Variants in FRMD5 observed in about 807,000 individuals in gnomAD.
The protein encoded by FRMD5 is FERM domain-containing protein 5.
FRMD5 carries 20 observed loss-of-function variants against 69.0 expected under a neutral mutation model. The observed-to-expected ratio is 0.29, with a 90% CI of 0.20 to 0.42. FRMD5 has a LOEUF of 0.42. Among genes scored for constraint, FRMD5 ranks in the 10% least tolerant of loss-of-function variants. The pLI is 1.00. For synonymous variants in FRMD5, 271 were observed against 260.1 expected (o/e 1.04, Z -0.40); for missense variants, 595 against 708.6 (o/e 0.84, Z 1.82).
intron 1 of FRMD5, among the ~76,000 whole-genome samples, chr15:44,093,263 A>C (rs2140492104): frequency 6.6e-6 from 1 of 152,198 alleles, no homozygotes; most frequent in Non-Finnish European, 1.5e-5. Flanking sequence ...AAAAATTAGC[A>C]CAGAAACTTG....
At chr15:44,022,051 G>C (rs989489375) in intron 1 of FRMD5, among the ~76,000 whole-genome samples, 4 of 151,916 alleles carry the variant, frequency 2.6e-5, no homozygotes, top group African/African-American at 9.7e-5. Context: ...GAAAAATAAT[G>C]AATAATATCT....
intron 1 of FRMD5, among the ~76,000 whole-genome samples, chr15:44,001,093 C>G (rs1890190929): frequency 6.6e-6 from 1 of 152,184 alleles, no homozygotes; most frequent in Non-Finnish European, 1.5e-5. Flanking sequence ...CTTATAATAG[C>G]CATTCTAACG....
chr15:44,057,861 C>T (rs566926880), intron 1 of FRMD5, among the ~76,000 whole-genome samples: 7 of 152,270 alleles, frequency 4.6e-5, no homozygotes, highest in South Asian at 2.1e-4. Flanking sequence ...CCAGTTCCAG[C>T]GCTTTATGAT....
At chr15:43,914,598 C>G (rs1264272284) in intron 4 of FRMD5, among the ~76,000 whole-genome samples, 2 of 151,978 alleles carry the variant, frequency 1.3e-5, no homozygotes, top group Non-Finnish European at 2.9e-5. Context: ...ATGGAGCTTA[C>G]ATTCCAATGG....
intron 13 of FRMD5, among the ~76,000 whole-genome samples, chr15:43,875,360 A>AT (rs1567202033): frequency 1.3e-4 from 14 of 107,274 alleles, no homozygotes; most frequent in African/African-American, 3.8e-4. Context: ...AAAAAAAAAA[A>AT]AAAATATATA....
chr15:43,893,192 G>C (rs1001213267), intron 7 of FRMD5, among the ~76,000 whole-genome samples: 1 of 152,038 alleles, frequency 6.6e-6, no homozygotes, highest in Non-Finnish European at 1.5e-5. Context: ...ATTAAAGAGT[G>C]GGGGAGTTGT....
chr15:44,002,940 T>G (rs987792984), intron 1 of FRMD5, among the ~76,000 whole-genome samples: 9 of 152,126 alleles, frequency 5.9e-5, no homozygotes, highest in Non-Finnish European at 1.0e-4. Context: ...TACCTCCTAT[T>G]ATCCTCACTT....
chr15:44,015,589 ATTCT>A (rs1890920868), intron 1 of FRMD5, among the ~76,000 whole-genome samples: 1 of 152,196 alleles, frequency 6.6e-6, no homozygotes, highest in Admixed American at 6.5e-5. Flanking sequence ...AAATAAGGTC[ATTCT>A]TTTTAATTTC....
At chr15:43,951,810 C>A (rs577418726) in intron 1 of FRMD5, among the ~76,000 whole-genome samples, 3 of 152,322 alleles carry the variant, frequency 2.0e-5, no homozygotes, top group African/African-American at 7.2e-5. Flanking sequence ...AACAACCTTA[C>A]ATTAAACAAG....
chr15:44,068,650 T>C (rs936162737), intron 1 of FRMD5, among the ~76,000 whole-genome samples: 1 of 152,168 alleles, frequency 6.6e-6, no homozygotes, highest in African/African-American at 2.4e-5. Flanking sequence ...TTTTTTGCAG[T>C]GATAAAAATG....
At chr15:43,989,383 C>T in intron 1 of FRMD5, 1 of 785,336 alleles carries the variant, frequency 1.3e-6, no homozygotes, top group Non-Finnish European at 2.3e-6. Context: ...GGATTCCATG[C>T]CCAGGAAGGA....
intron 1 of FRMD5, among the ~76,000 whole-genome samples, chr15:44,135,097 T>C (rs187974575): frequency 2.0e-4 from 30 of 152,312 alleles, no homozygotes; most frequent in Admixed American, 1.7e-3. Context: ...GAATGAACTC[T>C]CATTTCTAAA....
intron 2 of FRMD5, 41 bp downstream of exon 2, chr15:43,924,164 A>T: frequency 1.4e-6 from 2 of 1,438,478 alleles, no homozygotes; most frequent in Non-Finnish European, 2.0e-6. Context: ...AGTCTTATTG[A>T]CTAGCCCTGT....
At chr15:43,906,874 T>A (rs1201142736) in intron 5 of FRMD5, among the ~76,000 whole-genome samples, 5 of 152,198 alleles carry the variant, frequency 3.3e-5, no homozygotes, top group Admixed American at 3.3e-4. Flanking sequence ...GTGCTGGGAT[T>A]ACAGGCGTGA....
At chr15:44,020,652 T>C (rs1183754264) in intron 1 of FRMD5, among the ~76,000 whole-genome samples, 1 of 152,222 alleles carries the variant, frequency 6.6e-6, no homozygotes, top group Non-Finnish European at 1.5e-5. Context: ...ATGAATAATT[T>C]TCCCATACTG....
At chr15:44,162,354 G>A (rs960332488) in intron 1 of FRMD5, among the ~76,000 whole-genome samples, 1 of 145,812 alleles carries the variant, frequency 6.9e-6, no homozygotes, top group East Asian at 1.9e-4. Context: ...CTCCCACATC[G>A]GTTTCCCCAG....
At chr15:43,906,014 A>G in intron 5 of FRMD5, 63 bp from the exon 6 acceptor site, 3 of 1,603,280 alleles carry the variant, frequency 1.9e-6, no homozygotes, top group Non-Finnish European at 2.6e-6. Flanking sequence ...TGACAAAGCA[A>G]CAAGAGATTA....
chr15:43,890,105 T>C (rs538125440), intron 8 of FRMD5, among the ~76,000 whole-genome samples: 2 of 152,190 alleles, frequency 1.3e-5, no homozygotes, highest in Non-Finnish European at 2.9e-5. Context: ...ATTCCTTCCC[T>C]GTTTGATTCC....
At chr15:44,099,812 C>T (rs561489231) in intron 1 of FRMD5, among the ~76,000 whole-genome samples, 2 of 152,274 alleles carry the variant, frequency 1.3e-5, no homozygotes, top group African/African-American at 4.8e-5. Context: ...AGAAATACAT[C>T]TGAACAATCT....
Sources: gnomAD v4.1 joint callset for allele counts (sites outside exome capture counted in the v4.1 genomes callset) on GRCh38, gnomAD v4.1.1 for gene constraint, MANE v1.5 for transcripts, NCBI Gene and HGNC (gene_info 2026-07-23, HGNC 2026-07-21) for gene names.